Variants in TNFRSF1B observed in about 807,000 individuals in gnomAD.
TNFRSF1B encodes the protein tumor necrosis factor receptor superfamily member 1B.
In TNFRSF1B, 19 loss-of-function variants were observed where a neutral mutation model predicts 44.6. That is an observed-to-expected ratio of 0.43 (90% CI 0.30 to 0.62). The LOEUF is 0.62. TNFRSF1B is among the 20% of genes least tolerant of loss of function. The probability of loss-of-function intolerance (pLI) is 0.16; values close to 1 mark genes in which losing one functional copy is unlikely to be tolerated. For synonymous variants in TNFRSF1B, 252 were observed against 261.1 expected (o/e 0.97, Z 0.34); for missense variants, 541 against 619.9 (o/e 0.87, Z 1.35).
Position 12,199,934 on chromosome 1 carries a change from A to G in TNFRSF1B, c.901-2033A>G, listed in dbSNP as rs1248928407. Among the ~76,000 whole-genome samples, 1 of 152,114 alleles carries G rather than the reference A, an allele frequency of 6.6e-6. No homozygotes were observed. The highest frequency in any genetic ancestry group is 1.5e-5 in the Non-Finnish European group (1 of 67,978). Reference sequence around the variant, plus strand: ...AACAATCGCTTAGAATTCCAAGGCAAGGGTGTGAGCGCCTGGCCAGCCAGT... The same window carrying G: ...AACAATCGCTTAGAATTCCAAGGCAGGGGTGTGAGCGCCTGGCCAGCCAGT... On this transcript the variant is annotated intron_variant, in intron 8 of 9. Transcript: ENST00000376259. The surrounding 1 kb of genome is among the most constrained non-coding windows in gnomAD (Gnocchi z 4.0).
At position 12,183,826 on chromosome 1, in the gene TNFRSF1B, CCTATCTAT is replaced by C. The variant is rs111395466; in HGVS notation, c.79-4950_79-4943del. Among the ~76,000 whole-genome samples, 10 of 124,452 alleles carry C rather than the reference CCTATCTAT, an allele frequency of 8.0e-5. No homozygotes were observed. The South Asian group carries it at 1.1e-3, about 14-fold the overall frequency. The allele number at this position is 124,452 out of a possible 152,430, so 81.6% of individuals were successfully genotyped here. On this transcript the variant is annotated intron_variant, in intron 1 of 9. Coordinates refer to ENST00000376259, the MANE Select transcript of TNFRSF1B (RefSeq NM_001066.3). ...TCTAGCTATCTATCTATTCTATCTA[CCTATCTAT>C]CTATCTATCTATCTATCTACCTACC... is the stretch of plus-strand genomic sequence containing the variant.
rs1197909380 is a variant in TNFRSF1B at position 12,192,863 on chromosome 1, C to G, written c.552C>G (p.Ile184Met). Residue 184 changes from isoleucine (I) to methionine (M), a missense_variant and splice_region_variant, in exon 6 of 10, where the codon ATC (isoleucine) becomes ATG (methionine). Ile to Met is a conservative substitution (Grantham distance 10). Transcript: ENST00000376259. ...CTGACCAAGCCTCCTCCTCCTCCAG[C>G]TGTAACGTGGTGGCCATCCCTGGGA... is the stretch of plus-strand genomic sequence containing the variant. ...SSTDICRPHQ[I>M]CNVVAIPGNA... The G allele has an allele frequency of 6.2e-7, 1 of 1,612,724 alleles. No individual in the cohort carries two copies. The highest frequency in any genetic ancestry group is 1.1e-5 in the South Asian group (1 of 90,938).
chr1:12,204,790 TCACCAC>T lies in TNFRSF1B; in HGVS notation c.1106-1929_1106-1924del, dbSNP rs151248488. Among the ~76,000 whole-genome samples, 343 of 151,034 alleles carry T rather than the reference TCACCAC, an allele frequency of 2.3e-3. 2 individuals carry two copies. Among genetic ancestry groups the T allele is most frequent in the Non-Finnish European group, 2.7e-3 (185 of 67,804 alleles). On this transcript the variant is annotated intron_variant, in intron 9 of 9. Coordinates refer to ENST00000376259, the MANE Select transcript of TNFRSF1B (RefSeq NM_001066.3). ...TTGGTAATCAATTCACTTAAAAACA[TCACCAC>T]CACCACCACCACCACCACCAACAAA...
In TNFRSF1B at chr1:12,184,423, T is replaced by C. The variant is rs371470191; in HGVS notation, c.79-4373T>C. ...GGAGCCGACCCCCTCTGCCAGCTACTGGGGGCTGGAGGCTCACAGAGCCAG... is the reference window on the plus strand; with the variant it reads ...GGAGCCGACCCCCTCTGCCAGCTACCGGGGGCTGGAGGCTCACAGAGCCAG... On this transcript the variant is annotated intron_variant, in intron 1 of 9. Transcript: ENST00000376259. 3.9e-4 allele frequency among the ~76,000 whole-genome samples: 60 copies of C among 151,948 alleles called. 2 individuals are homozygous for C. The highest frequency in any genetic ancestry group is 9.4e-4 in the African/African-American group (39 of 41,420).
rs645984 is a variant in TNFRSF1B, at chr1:12,178,830, C to T, written c.79-9966C>T. 0.013 allele frequency among the ~76,000 whole-genome samples: 2,040 copies of T among 152,012 alleles called. 43 individuals carry two copies. The highest frequency in any genetic ancestry group is 0.046 in the African/African-American group (1,906 of 41,434). ...ATGCTGGCAGGGGCTAAGGAGGTTGCGCAGGTGGTGGCAGCCGCTGGAAGC... is the reference window on the plus strand; with the variant it reads ...ATGCTGGCAGGGGCTAAGGAGGTTGTGCAGGTGGTGGCAGCCGCTGGAAGC... On this transcript the variant is annotated intron_variant, in intron 1 of 9. Transcript: ENST00000376259. This position sits in a 1 kb window ranked among gnomAD's most constrained non-coding sequence, Gnocchi z 4.3.
chr1:12,191,987 A>C, intron 4 of TNFRSF1B, 64 bp downstream of exon 4: 4 of 1,559,770 alleles, frequency 2.6e-6, no homozygotes, highest in Non-Finnish European at 3.5e-6. Flanking sequence ...ACATCCTTGC[A>C]GTGTCACGGG....
intron 1 of TNFRSF1B, 69 bp from the exon 2 acceptor site, chr1:12,188,727 C>G: frequency 7.0e-7 from 1 of 1,438,566 alleles, no homozygotes; most frequent in Non-Finnish European, 9.7e-7. Flanking sequence ...AGGGCGGGGA[C>G]CTGGGCATCA....
chr1:12,203,105 T>A (rs1211378024), intron 9 of TNFRSF1B, among the ~76,000 whole-genome samples: 4 of 152,244 alleles, frequency 2.6e-5, no homozygotes, highest in Non-Finnish European at 4.4e-5. Context: ...CCTCTCTCCC[T>A]CTTACCTGGC....
rs1638783294 is a variant in TNFRSF1B, at chr1:12,180,828, G to A, written c.79-7968G>A. Among the ~76,000 whole-genome samples the A allele has an allele frequency of 6.6e-6, 1 of 152,190 alleles. No homozygotes were observed. The highest frequency in any genetic ancestry group is 1.5e-5 in the Non-Finnish European group (1 of 68,036). On this transcript the variant is annotated intron_variant, in intron 1 of 9. Coordinates refer to ENST00000376259, the MANE Select transcript of TNFRSF1B (RefSeq NM_001066.3). The surrounding 1 kb of genome is among the most constrained non-coding windows in gnomAD (Gnocchi z 4.3). ...GCTCACCTTCTTGCAGGCTCTCACAGCCGCATCGTCCTCTGGCTGGGCTGC... is the reference window on the plus strand; with the variant it reads ...GCTCACCTTCTTGCAGGCTCTCACAACCGCATCGTCCTCTGGCTGGGCTGC...
In TNFRSF1B at chr1:12,171,568, A is replaced by C. The variant is rs1638524583; in HGVS notation, c.78+4399A>C. 6.6e-6 allele frequency among the ~76,000 whole-genome samples: 1 copy of C among 152,116 alleles called. No homozygotes were observed. Among genetic ancestry groups the C allele is most frequent in the African/African-American group, 2.4e-5 (1 of 41,416 alleles). On this transcript the variant is annotated intron_variant, in intron 1 of 9. Coordinates refer to ENST00000376259, the MANE Select transcript of TNFRSF1B (RefSeq NM_001066.3). The surrounding 1 kb of genome is among the most constrained non-coding windows in gnomAD (Gnocchi z 4.5). ...GACCTATTCTATTTATTTCACTTTT[A>C]TTATGTCTTCCCACAAGATTGTAAG...
rs1477683674 is a variant in TNFRSF1B at position 12,192,471 on chromosome 1, G to A, written c.498G>A (p.Pro166=). 6.8e-6 allele frequency: 11 copies of A among 1,613,968 alleles called. No homozygotes were observed. The highest frequency in any genetic ancestry group is 3.3e-5 in the South Asian group (3 of 91,060). The change falls in exon 5 of 10, where the codon CCG becomes CCA. Residue 166 remains proline, a synonymous_variant. Coordinates refer to ENST00000376259, the MANE Select transcript of TNFRSF1B (RefSeq NM_001066.3). ...ACGTGGTGTGCAAGCCCTGTGCCCC[G>A]GGGACGTTCTCCAACACGACTTCAT... ...TSDVVCKPCA[P]GTFSNTTSST... is the part of the protein sequence containing the mutation.
At chr1:12,194,802 G>A (rs537875475) in intron 8 of TNFRSF1B, among the ~76,000 whole-genome samples, 184 bp downstream of exon 8, 14 of 152,350 alleles carry the variant, frequency 9.2e-5, no homozygotes, top group African/African-American at 3.4e-4. Context: ...GAGAGGCTGT[G>A]AGTGTGAAAT....
chr1:12,182,678 T>C (rs1638838513), intron 1 of TNFRSF1B, among the ~76,000 whole-genome samples: 1 of 152,170 alleles, frequency 6.6e-6, no homozygotes, highest in Non-Finnish European at 1.5e-5. Context: ...CACACCAGCT[T>C]TTTAGGGTGG....
Position 12,191,731 on chromosome 1 carries a change from G to T in TNFRSF1B, c.308-43G>T, listed in dbSNP as rs372784869. 2.7e-5 allele frequency: 43 copies of T among 1,609,948 alleles called. No homozygotes were observed. The African/African-American group carries it at 5.5e-4, about 21-fold the overall frequency. The stretch of plus-strand genomic sequence containing the variant: ...TGTCTGGGAGGGCAGCGTGGGTGTG[G>T]CGGAGGCAGGCGTGACCGTTTGCCG... On this transcript the variant is annotated intron_variant, in intron 3 of 9. Coordinates refer to ENST00000376259, the MANE Select transcript of TNFRSF1B (RefSeq NM_001066.3).
Position 12,186,559 on chromosome 1 carries a change from GC to G in TNFRSF1B, c.79-2236del, listed in dbSNP as rs1259576695. Among the ~76,000 whole-genome samples the G allele has an allele frequency of 6.6e-6, 1 of 152,186 alleles. No individual in the cohort carries two copies. Among genetic ancestry groups the G allele is most frequent in the African/African-American group, 2.4e-5 (1 of 41,448 alleles). ...GGTACTGGAGTCCAGAGAGGTTAAG[GC>G]ACTTGCCTAAGGCCACACAGCCGCT... is the stretch of plus-strand genomic sequence containing the variant. On this transcript the variant is annotated intron_variant, in intron 1 of 9. Coordinates refer to ENST00000376259, the MANE Select transcript of TNFRSF1B (RefSeq NM_001066.3). This position sits in a 1 kb window ranked among gnomAD's most constrained non-coding sequence, Gnocchi z 4.8.
intron 9 of TNFRSF1B, among the ~76,000 whole-genome samples, chr1:12,204,723 A>G (rs979156203): frequency 1.3e-5 from 2 of 152,210 alleles, no homozygotes; most frequent in African/African-American, 4.8e-5. Context: ...AAGGGAAGCC[A>G]TAAATCCAGA....
rs1332041433 is a variant in TNFRSF1B at position 12,167,048 on chromosome 1, G to A, written c.-44G>A. On this transcript the variant is annotated 5_prime_UTR_variant, in exon 1 of 10. Transcript: ENST00000376259. ...AGAGAAGGCGCTGGGCTGCGAGGGC[G>A]CGAGGGCGCGAGGGCAGGGGGCAAC... 1 of 1,242,530 alleles carries A rather than the reference G, an allele frequency of 8.0e-7. No homozygotes were observed. The highest frequency in any genetic ancestry group is 1.0e-6 in the Non-Finnish European group (1 of 983,704). The allele number at this position is 1,242,530 out of a possible 1,614,324, so 77.0% of individuals were successfully genotyped here.
chr1:12,196,945 T>TA (rs1639279621), intron 8 of TNFRSF1B, among the ~76,000 whole-genome samples: 1 of 151,826 alleles, frequency 6.6e-6, no homozygotes, highest in Non-Finnish European at 1.5e-5. Context: ...TTTCCATTTT[T>TA]TTTTTCTTTC....
Position 12,202,018 on chromosome 1 carries a change from C to A in TNFRSF1B, c.952C>A (p.His318Asn). Residue 318 changes from histidine to asparagine, a missense_variant, in exon 9 of 10, where the codon CAC (histidine) becomes AAC (asparagine). Physicochemically the swap from His to Asn is moderately conservative, Grantham distance 68. Transcript: ENST00000376259. Reference protein sequence around the residue: ...ARGTQGPEQQHLLITAPSSSS... With the variant: ...ARGTQGPEQQNLLITAPSSSS... The stretch of plus-strand genomic sequence containing the variant: ...GGGTACACAGGGCCCCGAGCAGCAG[C>A]ACCTGCTGATCACAGCGCCGAGCTC... 1 of 1,612,958 alleles carries A rather than the reference C, an allele frequency of 6.2e-7. No homozygotes were observed. Among genetic ancestry groups the A allele is most frequent in the Non-Finnish European group, 8.5e-7 (1 of 1,179,794 alleles).
Sources: gnomAD v4.1 joint callset for allele counts (sites outside exome capture counted in the v4.1 genomes callset) on GRCh38, gnomAD v4.1.1 for gene constraint, Gnocchi (gnomAD v3.1) non-coding constraint, MANE v1.5 for transcripts, NCBI Gene and HGNC (gene_info 2026-07-23, HGNC 2026-07-21) for gene names.